KCNIP4: variants seen among roughly 807,000 people sequenced by gnomAD.
KCNIP4 encodes Kv channel-interacting protein 4.
A neutral mutation model predicts 34.0 loss-of-function variants in KCNIP4; 12 were observed. That is an observed-to-expected ratio of 0.35 (90% CI 0.23 to 0.57). KCNIP4 has a LOEUF of 0.57. KCNIP4 is among the 20% of genes least tolerant of loss of function. The pLI, the probability that KCNIP4 is intolerant of heterozygous loss-of-function variation, is 0.83. For missense variants in KCNIP4, 238 were observed against 311.7 expected, an observed-to-expected ratio of 0.76 and a Z score of 1.78; for synonymous variants, 124 against 102.2, an observed-to-expected ratio of 1.21 and a Z score of -1.29.
At chr4:21,401,780 A>G (rs999776683) in intron 1 of KCNIP4, among the ~76,000 whole-genome samples, 7 of 152,182 alleles carry the variant, frequency 4.6e-5, no homozygotes, top group African/African-American at 1.7e-4. Flanking sequence ...TAATTTAGCA[A>G]GATTCTGGGG....
chr4:21,334,454 A>G (rs1297282586), intron 1 of KCNIP4, among the ~76,000 whole-genome samples: 4 of 152,074 alleles, frequency 2.6e-5, no homozygotes, highest in Non-Finnish European at 4.4e-5. Flanking sequence ...ATGGAGTTAA[A>G]TAACCTTAAG....
At chr4:21,562,700 A>G in intron 1 of KCNIP4, among the ~76,000 whole-genome samples, 1 of 152,048 alleles carries the variant, frequency 6.6e-6, no homozygotes, top group East Asian at 1.9e-4. Flanking sequence ...AAGGCCAACA[A>G]CAAAAGCAAA....
intron 1 of KCNIP4, among the ~76,000 whole-genome samples, chr4:21,431,909 C>T (rs1215978411): frequency 6.6e-6 from 1 of 150,418 alleles, no homozygotes; most frequent in African/African-American, 2.4e-5. Flanking sequence ...TGACCCCAAA[C>T]CACAATGATT....
intron 1 of KCNIP4, among the ~76,000 whole-genome samples, chr4:21,489,994 TG>T (rs1411199979): frequency 6.6e-6 from 1 of 152,200 alleles, no homozygotes; most frequent in Non-Finnish European, 1.5e-5. Flanking sequence ...ATTTACTTTT[TG>T]CATAATGCTA....
At chr4:21,387,713 T>A (rs1175930297) in intron 1 of KCNIP4, among the ~76,000 whole-genome samples, 1 of 152,134 alleles carries the variant, frequency 6.6e-6, no homozygotes, top group Non-Finnish European at 1.5e-5. Flanking sequence ...AGTGTTAAAA[T>A]GGCAGGGTTC....
chr4:21,077,435 T>G (rs895522114), intron 1 of KCNIP4, among the ~76,000 whole-genome samples: 3 of 152,150 alleles, frequency 2.0e-5, no homozygotes, highest in African/African-American at 7.2e-5. Flanking sequence ...CTTATTATAA[T>G]GCTGGTCTTT....
chr4:21,209,012 T>A (rs773521824), intron 1 of KCNIP4, among the ~76,000 whole-genome samples: 62 of 152,164 alleles, frequency 4.1e-4, no homozygotes, highest in Non-Finnish European at 7.6e-4. Context: ...TACTTCCACC[T>A]GGTCCCATCC....
chr4:20,869,748 T>C (rs930533137), intron 2 of KCNIP4, among the ~76,000 whole-genome samples: 1 of 152,152 alleles, frequency 6.6e-6, no homozygotes, highest in African/African-American at 2.4e-5. Flanking sequence ...TAATGATGAC[T>C]ATTATAATTA....
intron 1 of KCNIP4, among the ~76,000 whole-genome samples, chr4:21,657,061 C>G (rs548597732): frequency 1.2e-4 from 19 of 152,248 alleles, no homozygotes; most frequent in African/African-American, 4.1e-4. Flanking sequence ...CTTCCCTGAC[C>G]CAGGTCAATA....
chr4:20,856,925 G>C (rs1162523062), intron 2 of KCNIP4, among the ~76,000 whole-genome samples: 1 of 152,054 alleles, frequency 6.6e-6, no homozygotes, highest in Non-Finnish European at 1.5e-5. Context: ...GCAGCAATCT[G>C]AGCTGTGCTA....
At chr4:21,406,470 A>G (rs1724002636) in intron 1 of KCNIP4, among the ~76,000 whole-genome samples, 1 of 152,222 alleles carries the variant, frequency 6.6e-6, no homozygotes, top group Admixed American at 6.5e-5. Flanking sequence ...GCAAAAAGCA[A>G]ATAGGCCAGT....
At chr4:21,774,235 C>A (rs575352460) in intron 1 of KCNIP4, among the ~76,000 whole-genome samples, 6 of 152,210 alleles carry the variant, frequency 3.9e-5, no homozygotes, top group Non-Finnish European at 7.4e-5. Flanking sequence ...GTTGAAAATT[C>A]TTTTCTTTAA....
At chr4:20,937,533 C>G (rs1045466068) in intron 1 of KCNIP4, among the ~76,000 whole-genome samples, 3 of 151,962 alleles carry the variant, frequency 2.0e-5, no homozygotes, top group Non-Finnish European at 4.4e-5. Context: ...CGTGCCTGGC[C>G]CCCAAGGAGT....
Position 21,000,798 on chromosome 4 carries a change from G to A in KCNIP4, c.62-118089C>T, listed in dbSNP as rs139966428. 6.4e-4 allele frequency among the ~76,000 whole-genome samples: 98 copies of A among 152,092 alleles called. 2 individuals carry two copies. In the East Asian group the frequency reaches 0.015, roughly 23 times the overall value. ...ACCCCTTACTCACTCCAGCTACAGC[G>A]GTCTCCACTATGTGCCTTGATCATA... On this transcript the variant is annotated intron_variant, in intron 1 of 8. Transcript: ENST00000382152.
chr4:21,174,854 T>G (rs1754286144), intron 1 of KCNIP4, among the ~76,000 whole-genome samples: 1 of 150,652 alleles, frequency 6.6e-6, no homozygotes, highest in Non-Finnish European at 1.5e-5. Context: ...GGACCGAGAT[T>G]GCACCATTGC....
intron 1 of KCNIP4, among the ~76,000 whole-genome samples, chr4:21,083,796 C>T (rs1294986862): frequency 6.6e-6 from 1 of 151,900 alleles, no homozygotes; most frequent in Non-Finnish European, 1.5e-5. Flanking sequence ...TTACAATAGT[C>T]ACAGGAAACT....
chr4:21,209,054 A>T (rs1289999167), intron 1 of KCNIP4, among the ~76,000 whole-genome samples: 2 of 152,136 alleles, frequency 1.3e-5, no homozygotes, highest in Non-Finnish European at 2.9e-5. Context: ...GATTATGGAG[A>T]TTACAATTCA....
chr4:20,925,866 CT>C (rs1381881782), intron 1 of KCNIP4, among the ~76,000 whole-genome samples: 1 of 152,168 alleles, frequency 6.6e-6, no homozygotes, highest in African/African-American at 2.4e-5. Context: ...CTTCCAATAA[CT>C]CTTTCCGAGT....
chr4:21,933,395 C>T (rs1211427641), intron 1 of KCNIP4, among the ~76,000 whole-genome samples: 2 of 152,012 alleles, frequency 1.3e-5, no homozygotes, highest in Admixed American at 6.6e-5. Flanking sequence ...CCTCATTTCA[C>T]GTATGTTCTC....
Sources: gnomAD v4.1 joint callset for allele counts (sites outside exome capture counted in the v4.1 genomes callset) on GRCh38, gnomAD v4.1.1 for gene constraint, MANE v1.5 for transcripts, NCBI Gene and HGNC (gene_info 2026-07-23, HGNC 2026-07-21) for gene names.